The following EFCAB6 variants were observed in gnomAD, a reference collection of about 807,000 sequenced individuals.
EFCAB6 encodes the protein EF-hand calcium-binding domain-containing protein 6.
A neutral mutation model predicts 169.8 loss-of-function variants in EFCAB6; 156 were observed. The observed-to-expected ratio is 0.92, with a 90% CI of 0.81 to 1.05. EFCAB6 has a LOEUF of 1.05. EFCAB6 is among the 50% of genes least tolerant of loss of function. EFCAB6 has a pLI of 0.00. For synonymous variants in EFCAB6, 698 were observed against 676.4 expected (o/e 1.03, Z -0.50); for missense variants, 1,800 against 1,829.1 (o/e 0.98, Z 0.29).
At chr22:43,647,559 G>T (rs1431480278) in intron 17 of EFCAB6, among the ~76,000 whole-genome samples, 1 of 152,148 alleles carries the variant, frequency 6.6e-6, no homozygotes, top group South Asian at 2.1e-4. Context: ...ACCCCAAAAG[G>T]TATAATGAGG....
chr22:43,587,420 C>T (rs550804143), intron 24 of EFCAB6, among the ~76,000 whole-genome samples: 9 of 152,196 alleles, frequency 5.9e-5, no homozygotes, highest in Non-Finnish European at 1.2e-4. Flanking sequence ...TTCTGGACAC[C>T]GGAATCTAAA....
intron 11 of EFCAB6, among the ~76,000 whole-genome samples, chr22:43,686,642 T>C (rs1284670772): frequency 1.3e-5 from 2 of 152,210 alleles, no homozygotes; most frequent in African/African-American, 4.8e-5. Context: ...GCGCTCTGAT[T>C]ACCTGCAAGG....
intron 27 of EFCAB6, among the ~76,000 whole-genome samples, chr22:43,548,068 C>T (rs2048166196): frequency 6.6e-6 from 1 of 151,698 alleles, no homozygotes; most frequent in South Asian, 2.1e-4. Flanking sequence ...TGCACTCCAC[C>T]CTGGGTGATA....
chr22:43,791,053 A>G (rs143842120), intron 2 of EFCAB6, among the ~76,000 whole-genome samples: 1 of 152,318 alleles, frequency 6.6e-6, no homozygotes, highest in African/African-American at 2.4e-5. Context: ...GATATACTGA[A>G]TAGGTCACTG....
intron 25 of EFCAB6, among the ~76,000 whole-genome samples, chr22:43,577,353 C>T (rs2050327760): frequency 1.3e-5 from 2 of 152,152 alleles, no homozygotes; most frequent in African/African-American, 4.8e-5. Flanking sequence ...TCATTCGGGG[C>T]TAATTAGGCA....
intron 26 of EFCAB6, among the ~76,000 whole-genome samples, chr22:43,564,461 A>C (rs2049291557): frequency 2.0e-5 from 3 of 149,402 alleles, no homozygotes; most frequent in Non-Finnish European, 4.5e-5. Flanking sequence ...AAAAAAAAGA[A>C]AAAAAAAAAA....
intron 23 of EFCAB6, among the ~76,000 whole-genome samples, chr22:43,595,697 A>G (rs1017076034): frequency 1.3e-5 from 2 of 152,132 alleles, no homozygotes; most frequent in African/African-American, 4.8e-5. Context: ...AACTCTACCC[A>G]AACTTTTTCA....
intron 20 of EFCAB6, among the ~76,000 whole-genome samples, chr22:43,618,490 C>A (rs2053896994): frequency 6.6e-6 from 1 of 152,204 alleles, no homozygotes; most frequent in East Asian, 1.9e-4. Flanking sequence ...ACACAGAATA[C>A]AAAACACAAC....
chr22:43,809,808 G>T (rs1349642848), intron 1 of EFCAB6, among the ~76,000 whole-genome samples: 1 of 152,124 alleles, frequency 6.6e-6, no homozygotes, highest in Non-Finnish European at 1.5e-5. Context: ...GTCTCACCAC[G>T]TTGGCCAGAC....
At chr22:43,633,522 T>C (rs2055139296) in intron 18 of EFCAB6, among the ~76,000 whole-genome samples, 1 of 152,198 alleles carries the variant, frequency 6.6e-6, no homozygotes, top group African/African-American at 2.4e-5. Flanking sequence ...CACTTCAGCC[T>C]GGTGACAGAG....
chr22:43,666,427 C>T (rs2057251592), intron 17 of EFCAB6, among the ~76,000 whole-genome samples: 2 of 152,234 alleles, frequency 1.3e-5, no homozygotes, highest in African/African-American at 4.8e-5. Flanking sequence ...TAATTATACT[C>T]TTCTTGGAAA....
intron 2 of EFCAB6, among the ~76,000 whole-genome samples, chr22:43,785,981 A>T (rs1268462268): frequency 6.6e-6 from 1 of 152,248 alleles, no homozygotes; most frequent in Non-Finnish European, 1.5e-5. Flanking sequence ...TGACAAAAAG[A>T]TTGAATTAAT....
At chr22:43,697,196 CT>C (rs1225707201) in intron 10 of EFCAB6, among the ~76,000 whole-genome samples, 4 of 152,174 alleles carry the variant, frequency 2.6e-5, no homozygotes, top group African/African-American at 9.6e-5. Flanking sequence ...AAATTAACAC[CT>C]TTCTGAAGTG....
At chr22:43,797,577 C>T (rs2062557451) in intron 2 of EFCAB6, among the ~76,000 whole-genome samples, 1 of 151,980 alleles carries the variant, frequency 6.6e-6, no homozygotes, top group Non-Finnish European at 1.5e-5. Flanking sequence ...ACAAGCATCA[C>T]TTCTCTTTTC....
Position 43,534,670 on chromosome 22 carries a change from T to G in EFCAB6, c.4233+18A>C. ...CCTTTCCACCTGGCCCCACATTTCC[T>G]GCAGGTGGGCAACATACCATCTTGT... On this transcript the variant is annotated intron_variant, in intron 30 of 31. Coordinates refer to ENST00000262726, the MANE Select transcript of EFCAB6 (RefSeq NM_022785.4). 6.3e-7 allele frequency: 1 copy of G among 1,575,262 alleles called. No homozygotes were observed.
intron 10 of EFCAB6, among the ~76,000 whole-genome samples, chr22:43,696,751 TAGTGAC>T (rs1335417969): frequency 6.6e-6 from 1 of 152,118 alleles, no homozygotes; most frequent in Non-Finnish European, 1.5e-5. Flanking sequence ...GGTAAATCTA[TAGTGAC>T]AGTGACAGAG....
intron 17 of EFCAB6, among the ~76,000 whole-genome samples, chr22:43,639,491 C>T (rs1224465971): frequency 6.6e-6 from 1 of 152,200 alleles, no homozygotes; most frequent in Non-Finnish European, 1.5e-5. Flanking sequence ...CTTCTCACCT[C>T]CTCCATTGTT....
chr22:43,743,696 C>T (rs767123177), intron 6 of EFCAB6, among the ~76,000 whole-genome samples: 13 of 152,160 alleles, frequency 8.5e-5, no homozygotes, highest in Non-Finnish European at 1.3e-4. Context: ...GAATATTAAG[C>T]GGCTGAAACG....
intron 26 of EFCAB6, among the ~76,000 whole-genome samples, chr22:43,561,525 G>A (rs190850029): frequency 1.0e-3 from 153 of 152,034 alleles, no homozygotes; most frequent in Middle Eastern, 3.4e-3. Flanking sequence ...GGATGCTGCC[G>A]CCCAGAGAAC....
Sources: gnomAD v4.1 joint callset for allele counts (sites outside exome capture counted in the v4.1 genomes callset) on GRCh38, gnomAD v4.1.1 for gene constraint, MANE v1.5 for transcripts, NCBI Gene and HGNC (gene_info 2026-07-23, HGNC 2026-07-21) for gene names.